LGR6: variants seen among roughly 807,000 people sequenced by gnomAD.
LGR6 encodes leucine-rich repeat-containing G protein-coupled receptor 6.
LGR6 carries 45 observed loss-of-function variants against 69.4 expected under a neutral mutation model. That is an observed-to-expected ratio of 0.65 (90% CI 0.51 to 0.83). LGR6 has a LOEUF of 0.83. Among genes scored for constraint, LGR6 ranks in the 40% least tolerant of loss-of-function variants. LGR6 has a pLI of 0.00. For synonymous variants in LGR6, 538 were observed against 555.0 expected (o/e 0.97, Z 0.43); for missense variants, 1,108 against 1,246.7 (o/e 0.89, Z 1.68).
intron 4 of LGR6, among the ~76,000 whole-genome samples, chr1:202,264,542 C>T (rs1356586168): frequency 6.6e-6 from 1 of 152,148 alleles, no homozygotes; most frequent in African/African-American, 2.4e-5. Flanking sequence ...ACGAAGGTCG[C>T]CAGAAACCAG....
intron 1 of LGR6, among the ~76,000 whole-genome samples, chr1:202,212,069 C>T (rs1571817304): frequency 6.6e-6 from 1 of 152,250 alleles, no homozygotes; most frequent in African/African-American, 2.4e-5. Flanking sequence ...ATTCCACTGT[C>T]GATGGGCAAC....
chr1:202,286,269 A>T (rs558924399), intron 6 of LGR6, among the ~76,000 whole-genome samples: 31 of 152,290 alleles, frequency 2.0e-4, no homozygotes, highest in African/African-American at 7.5e-4. Flanking sequence ...GGATAGGCTG[A>T]TAGGTTGGGG....
At chr1:202,220,789 C>T (rs1447213240) in intron 1 of LGR6, among the ~76,000 whole-genome samples, 4 of 152,000 alleles carry the variant, frequency 2.6e-5, no homozygotes, top group East Asian at 3.9e-4. Flanking sequence ...CCCAGGGGCT[C>T]GGCTCCTGGC....
chr1:202,198,174 T>C (rs1216804901), intron 1 of LGR6, among the ~76,000 whole-genome samples: 4 of 151,742 alleles, frequency 2.6e-5, no homozygotes, highest in African/African-American at 9.7e-5. Flanking sequence ...AGATACAGGG[T>C]AATTTGCAGG....
At chr1:202,291,571 A>G (rs572221625) in intron 6 of LGR6, among the ~76,000 whole-genome samples, 9 of 152,236 alleles carry the variant, frequency 5.9e-5, no homozygotes, top group Non-Finnish European at 8.8e-5. Context: ...GGAGATCCAA[A>G]AGTGAACCCA....
chr1:202,236,018 GGAGTCACCAGCTTCCTGGGGCCT>G, intron 4 of LGR6, 25 bp downstream of exon 4: 1 of 1,602,256 alleles, frequency 6.2e-7, no homozygotes, highest in Non-Finnish European at 8.5e-7. Context: ...GGCTGGTCTG[GGAGTCACCAGCTTCCTGGGGCCT>G]GAGTCACAGC....
chr1:202,207,684 T>C lies in LGR6; in HGVS notation c.212+13483T>C, dbSNP rs112042648. ...AAGTTCAGATTCTGGCTCTGCCTTT[T>C]ACCAATCCTTGGGGAAAGATTTACC... On this transcript the variant is annotated intron_variant, in intron 1 of 17. Coordinates refer to ENST00000367278, the MANE Select transcript of LGR6 (RefSeq NM_001017403.2). Among the ~76,000 whole-genome samples the C allele has an allele frequency of 8.2e-3, 1,242 of 152,302 alleles. 16 individuals carry two copies. Among genetic ancestry groups the C allele is most frequent in the African/African-American group, 0.028 (1,172 of 41,554 alleles).
At chr1:202,205,607 C>T (rs1347940426) in intron 1 of LGR6, among the ~76,000 whole-genome samples, 1 of 149,298 alleles carries the variant, frequency 6.7e-6, no homozygotes, top group African/African-American at 2.5e-5. Flanking sequence ...CATACACACA[C>T]ACCTCCTTCA....
intron 4 of LGR6, among the ~76,000 whole-genome samples, chr1:202,237,081 C>T (rs1346195124): frequency 1.3e-5 from 2 of 152,194 alleles, no homozygotes; most frequent in South Asian, 2.1e-4. Flanking sequence ...CCCTGGGTGC[C>T]CTCTACCCTC....
intron 4 of LGR6, among the ~76,000 whole-genome samples, chr1:202,252,597 G>A (rs1051586273): frequency 6.6e-6 from 1 of 152,210 alleles, no homozygotes; most frequent in Non-Finnish European, 1.5e-5. Flanking sequence ...GCTGCCAGGG[G>A]CATGGAGAAG....
At chr1:202,241,113 G>C (rs1355365109) in intron 4 of LGR6, among the ~76,000 whole-genome samples, 2 of 152,180 alleles carry the variant, frequency 1.3e-5, no homozygotes, top group Non-Finnish European at 1.5e-5. Context: ...CCTTTTGATG[G>C]CTTTCACTGG....
At chr1:202,309,028 A>G (rs772908976) in intron 14 of LGR6, 23 bp from the exon 15 acceptor site, 1 of 1,613,042 alleles carries the variant, frequency 6.2e-7, no homozygotes, top group Admixed American at 1.7e-5. Flanking sequence ...ACTGCCAATA[A>G]CCCTGACCAT....
chr1:202,240,057 C>A (rs2148017204), intron 4 of LGR6, among the ~76,000 whole-genome samples: 1 of 152,206 alleles, frequency 6.6e-6, no homozygotes, highest in South Asian at 2.1e-4. Context: ...CAGCAAGAGT[C>A]TGGCACGTGG....
At chr1:202,289,769 G>A (rs1666658829) in intron 6 of LGR6, among the ~76,000 whole-genome samples, 1 of 152,170 alleles carries the variant, frequency 6.6e-6, no homozygotes, top group Non-Finnish European at 1.5e-5. Flanking sequence ...TATGAGAAAA[G>A]CAATTAAGAC....
At chr1:202,275,798 C>A (rs1571945023) in intron 4 of LGR6, among the ~76,000 whole-genome samples, 1 of 152,278 alleles carries the variant, frequency 6.6e-6, no homozygotes, top group South Asian at 2.1e-4. Context: ...ATTATATGGT[C>A]TTGGACTATC....
intron 3 of LGR6, 51 bp from the exon 4 acceptor site, chr1:202,235,871 C>A (rs769294838): frequency 2.3e-5 from 35 of 1,548,578 alleles, no homozygotes; most frequent in Non-Finnish European, 3.0e-5. Flanking sequence ...CACCCTCCAG[C>A]CAGCTCTGCA....
At chr1:202,241,227 G>T (rs1195900104) in intron 4 of LGR6, among the ~76,000 whole-genome samples, 2 of 152,232 alleles carry the variant, frequency 1.3e-5, no homozygotes, top group African/African-American at 4.8e-5. Context: ...CCCTGCCCAT[G>T]CCCCTCCTGG....
intron 1 of LGR6, among the ~76,000 whole-genome samples, chr1:202,218,345 C>T (rs1241914502): frequency 6.6e-6 from 1 of 152,156 alleles, no homozygotes; most frequent in Non-Finnish European, 1.5e-5. Context: ...GTTGTCCAGC[C>T]TGGAGTGTAG....
At chr1:202,305,854 G>C (rs1653132680) in intron 12 of LGR6, 105 bp downstream of exon 12, 3 of 893,240 alleles carry the variant, frequency 3.4e-6, no homozygotes, top group Admixed American at 3.7e-5. Context: ...TGCACACTTT[G>C]ACATTTCTTC....
Sources: allele counts gnomAD v4.1 joint callset (sites outside exome capture counted in the v4.1 genomes callset), GRCh38; gene constraint gnomAD v4.1.1; transcripts MANE v1.5; gene names NCBI Gene and HGNC (gene_info 2026-07-23, HGNC 2026-07-21).